CALB2: variants seen among roughly 807,000 people sequenced by gnomAD.
CALB2 encodes calbindin 2.
A neutral mutation model predicts 45.9 loss-of-function variants in CALB2; 34 were observed. The ratio of observed to expected loss-of-function variants is 0.74; its 90% CI spans 0.56 to 0.99. CALB2 has a LOEUF of 0.99. Among genes scored for constraint, CALB2 ranks in the 50% least tolerant of loss-of-function variants. The pLI is 0.00. For synonymous variants in CALB2, 142 were observed against 129.6 expected (o/e 1.10, Z -0.65); for missense variants, 344 against 339.3 (o/e 1.01, Z -0.11).
At chr16:71,386,713 A>G (rs1277524982) in intron 10 of CALB2, among the ~76,000 whole-genome samples, 2 of 152,216 alleles carry the variant, frequency 1.3e-5, no homozygotes, top group Non-Finnish European at 2.9e-5. Context: ...TGAAAGCTCT[A>G]CAATTCCTTG....
chr16:71,387,915 T>A (rs763263969), intron 10 of CALB2, among the ~76,000 whole-genome samples: 2 of 151,974 alleles, frequency 1.3e-5, no homozygotes, highest in Non-Finnish European at 2.9e-5. Context: ...CAGAAATTAA[T>A]GGCATAAAAA....
chr16:71,382,173 G>C (rs542197752), intron 4 of CALB2, among the ~76,000 whole-genome samples: 83 of 142,452 alleles, frequency 5.8e-4, no homozygotes, highest in African/African-American at 1.8e-3. Context: ...AAGGAAGGAA[G>C]GAACGAAAGA....
At chr16:71,384,464 AACACACTACACACACCCACAC>A in intron 8 of CALB2, 86 bp downstream of exon 8, 1 of 1,073,614 alleles carries the variant, frequency 9.3e-7, no homozygotes, top group Admixed American at 1.7e-5. Context: ...CACCACACAC[AACACACTACACACACCCACAC>A]ACACCACACA....
chr16:71,373,226 C>T (rs1164970204), intron 2 of CALB2, among the ~76,000 whole-genome samples: 1 of 152,202 alleles, frequency 6.6e-6, no homozygotes, highest in Non-Finnish European at 1.5e-5. Flanking sequence ...TGCTGCGTGT[C>T]TGTTGGCCAA....
At chr16:71,385,013 A>G (rs572852385) in intron 9 of CALB2, among the ~76,000 whole-genome samples, 177 bp downstream of exon 9, 3 of 152,216 alleles carry the variant, frequency 2.0e-5, no homozygotes, top group East Asian at 3.9e-4. Flanking sequence ...CCGGTGGCCT[A>G]TGGAGCCCAA....
intron 1 of CALB2, among the ~76,000 whole-genome samples, chr16:71,370,216 A>C (rs1260436517): frequency 6.6e-6 from 1 of 152,232 alleles, no homozygotes; most frequent in Non-Finnish European, 1.5e-5. Context: ...TTTATTAAGA[A>C]TTTAAATTCT....
At chr16:71,363,265 A>G (rs2042252136) in intron 1 of CALB2, among the ~76,000 whole-genome samples, 1 of 152,154 alleles carries the variant, frequency 6.6e-6, no homozygotes, top group Non-Finnish European at 1.5e-5. Context: ...TGTAAGAAAT[A>G]TGTATATGTC....
chr16:71,382,155 A>AAGGAAGGAAGGAAG (rs61050017), intron 4 of CALB2, among the ~76,000 whole-genome samples: 112 of 144,500 alleles, frequency 7.8e-4, no homozygotes, highest in East Asian at 1.8e-3. Context: ...AAGGAAGGAA[A>AAGGAAGGAAGGAAG]GAAAATAAAG....
intron 4 of CALB2, among the ~76,000 whole-genome samples, chr16:71,382,020 G>GAGGAGA (rs2042497981): frequency 7.5e-5 from 1 of 13,272 alleles, no homozygotes; most frequent in Non-Finnish European, 1.3e-4. Context: ...CTCAAAAGAG[G>GAGGAGA]AGGAGGAGGA....
chr16:71,380,287 CTTTTCTTTTTTTTTTTTTTTTTT>C (rs1444221859), intron 4 of CALB2, among the ~76,000 whole-genome samples: 82 of 87,120 alleles, frequency 9.4e-4, no homozygotes, highest in Middle Eastern at 7.7e-3. Flanking sequence ...TCTTTCCTTC[CTTTTCTTTTTTTTTTTTTTTTTT>C]TTTTTTTTTT....
At chr16:71,366,262 T>TG (rs1379338865) in intron 1 of CALB2, among the ~76,000 whole-genome samples, 1 of 150,270 alleles carries the variant, frequency 6.7e-6, no homozygotes, top group Non-Finnish European at 1.5e-5. Context: ...TCCTGATCTG[T>TG]GATCCACCCA....
At chr16:71,384,947 T>C in intron 9 of CALB2, 111 bp downstream of exon 9, 1 of 883,934 alleles carries the variant, frequency 1.1e-6, no homozygotes, top group Non-Finnish European at 1.9e-6. Flanking sequence ...GCCTGGGCCG[T>C]GTGGTTTCTT....
At chr16:71,365,623 A>G (rs2042275766) in intron 1 of CALB2, among the ~76,000 whole-genome samples, 1 of 152,170 alleles carries the variant, frequency 6.6e-6, no homozygotes, top group Non-Finnish European at 1.5e-5. Flanking sequence ...AGTAGGTCCA[A>G]GGTGGGCCTG....
At position 71,382,154 on chromosome 16, in the gene CALB2, A is replaced by AGG. The variant is rs1227428058; in HGVS notation, c.343-565_343-564insGG. ...AAGGAAGGAAAGAAGGAAGGAAGGA[A>AGG]AGAAAATAAAGGAAGGAAGGAACGA... On this transcript the variant is annotated intron_variant, in intron 4 of 10. Coordinates refer to ENST00000302628, the MANE Select transcript of CALB2 (RefSeq NM_001740.5). Among the ~76,000 whole-genome samples, 487 of 127,746 alleles carry AGG rather than the reference A, an allele frequency of 3.8e-3. 11 individuals carry two copies. Among genetic ancestry groups the AGG allele is most frequent in the African/African-American group, 0.014 (462 of 33,946 alleles). The allele number at this position is 127,746 out of a possible 152,430, so 83.8% of individuals were successfully genotyped here.
rs544138378 is a variant in CALB2, at chr16:71,380,292, C to CT, written c.343-2392dup. On this transcript the variant is annotated intron_variant, in intron 4 of 10. Transcript: ENST00000302628. Reference sequence around the variant, plus strand: ...CTTTCTTTCTTCTTTCCTTCCTTTTCTTTTTTTTTTTTTTTTTTTTTTTTT... The same window carrying CT: ...CTTTCTTTCTTCTTTCCTTCCTTTTCTTTTTTTTTTTTTTTTTTTTTTTTTT... Among the ~76,000 whole-genome samples the CT allele has an allele frequency of 4.7e-3, 204 of 43,754 alleles. 8 individuals are homozygous for CT. Among genetic ancestry groups the CT allele is most frequent in the Middle Eastern group, 0.015 (1 of 68 alleles). The allele number at this position is 43,754 out of a possible 152,430, so 28.7% of individuals were successfully genotyped here.
chr16:71,361,678 C>G (rs1251827936), intron 1 of CALB2, among the ~76,000 whole-genome samples: 1 of 152,178 alleles, frequency 6.6e-6, no homozygotes, highest in Non-Finnish European at 1.5e-5. Flanking sequence ...TAGGAGGCAG[C>G]TGAATCCCAA....
At chr16:71,362,285 C>T (rs2042244202) in intron 1 of CALB2, among the ~76,000 whole-genome samples, 1 of 152,178 alleles carries the variant, frequency 6.6e-6, no homozygotes, top group Non-Finnish European at 1.5e-5. Flanking sequence ...CATCTGCGAG[C>T]AGCAAAGTTG....
intron 3 of CALB2, 100 bp downstream of exon 3, chr16:71,374,934 G>A: frequency 1.3e-6 from 1 of 797,738 alleles, no homozygotes; most frequent in Non-Finnish European, 2.1e-6. Flanking sequence ...GAGTGAGGTG[G>A]GGGCCTCAAA....
At chr16:71,387,886 G>A (rs77295837) in intron 10 of CALB2, among the ~76,000 whole-genome samples, 3 of 152,244 alleles carry the variant, frequency 2.0e-5, no homozygotes, top group African/African-American at 7.2e-5. Flanking sequence ...AGTGCCCTTG[G>A]GTTTTCATGG....
Sources: gnomAD v4.1 joint callset for allele counts (sites outside exome capture counted in the v4.1 genomes callset) on GRCh38, gnomAD v4.1.1 for gene constraint, MANE v1.5 for transcripts, NCBI Gene and HGNC (gene_info 2026-07-23, HGNC 2026-07-21) for gene names.